The following ESYT3 variants were observed in gnomAD, a reference collection of about 807,000 sequenced individuals.
ESYT3 encodes extended synaptotagmin 3.
ESYT3 carries 101 observed loss-of-function variants against 111.5 expected under a neutral mutation model. That is an observed-to-expected ratio of 0.91 (90% CI 0.77 to 1.07). The LOEUF (loss-of-function observed/expected upper bound fraction) is 1.07. Among genes scored for constraint, ESYT3 ranks in the 50% least tolerant of loss-of-function variants. The pLI is 0.00. For missense variants in ESYT3, 1,097 were observed against 1,109.4 expected (o/e 0.99, Z 0.16); for synonymous variants, 416 against 446.8 (o/e 0.93, Z 0.87).
chr3:138,470,690 A>G (rs952624400), intron 16 of ESYT3, 187 bp from the exon 17 acceptor site: 7 of 1,417,662 alleles, frequency 4.9e-6, no homozygotes, highest in African/African-American at 4.3e-5. Context: ...CTGAGTCACT[A>G]TCTTCCCTGA....
chr3:138,434,646 G>A lies in ESYT3; in HGVS notation c.-153G>A. 1.5e-6 allele frequency: 1 copy of A among 682,244 alleles called. No homozygotes were observed. The highest frequency in any genetic ancestry group is 2.3e-5 in the South Asian group (1 of 44,400). 42.3% of individuals were successfully genotyped at this position (682,244 alleles called of 1,614,324 possible). A position where few individuals can be genotyped will look rare whatever the true frequency, so the allele number is the denominator to read the frequency against. Reference sequence around the variant, plus strand: ...TCCAGGCGCTGCTCTCCGTCGCAGAGAACCCTGAGCTCGGCGCGCCGAGAG... The same window carrying A: ...TCCAGGCGCTGCTCTCCGTCGCAGAAAACCCTGAGCTCGGCGCGCCGAGAG... On this transcript the variant is annotated 5_prime_UTR_variant, in exon 1 of 23. Coordinates refer to ENST00000389567, the MANE Select transcript of ESYT3 (RefSeq NM_031913.5).
chr3:138,449,428 C>T (rs1338747854), intron 1 of ESYT3, among the ~76,000 whole-genome samples: 1 of 152,060 alleles, frequency 6.6e-6, no homozygotes, highest in African/African-American at 2.4e-5. Context: ...CACCCTGAGG[C>T]AAGGGGTGGG....
intron 9 of ESYT3, 144 bp from the exon 10 acceptor site, chr3:138,465,195 T>G: frequency 1.6e-6 from 1 of 607,118 alleles, no homozygotes. Context: ...GGGAGGGGCT[T>G]CACTCCCTTC....
At chr3:138,471,173 A>AT (rs2033201710) in intron 17 of ESYT3, 147 bp downstream of exon 17, 1 of 662,524 alleles carries the variant, frequency 1.5e-6, no homozygotes, top group Admixed American at 2.7e-5. Flanking sequence ...GAAATACTGA[A>AT]TGGGAGCAAG....
chr3:138,461,959 C>T (rs1275805902), intron 7 of ESYT3, 127 bp from the exon 8 acceptor site: 2 of 1,369,146 alleles, frequency 1.5e-6, no homozygotes, highest in Non-Finnish European at 2.0e-6. Flanking sequence ...CAAGTGGGGT[C>T]AGGGCTGTTC....
Position 138,468,205 on chromosome 3 carries a change from G to GCTCC in ESYT3, c.1308+11_1308+12insCTCC. Reference sequence around the variant, plus strand: ...GAAGTTCTGACTGAGGTGAGTGTGGGGTGTCAAGGGCTCCCTTGCAGAAAG... The same window carrying GCTCC: ...GAAGTTCTGACTGAGGTGAGTGTGGGCTCCGTGTCAAGGGCTCCCTTGCAGAAAG... On this transcript the variant is annotated intron_variant, in intron 12 of 22. Coordinates refer to ENST00000389567, the MANE Select transcript of ESYT3 (RefSeq NM_031913.5). The GCTCC allele has an allele frequency of 1.2e-6, 2 of 1,613,656 alleles. No homozygotes were observed. The highest frequency in any genetic ancestry group is 2.2e-5 in the South Asian group (2 of 91,064).
chr3:138,470,792 C>T (rs2108627278), intron 16 of ESYT3, 85 bp from the exon 17 acceptor site: 2 of 1,594,644 alleles, frequency 1.3e-6, no homozygotes, highest in Non-Finnish European at 1.7e-6. Flanking sequence ...CTGAAGTAAA[C>T]CCAAACTTGG....
At chr3:138,454,381 AT>A (rs1273485197) in intron 2 of ESYT3, among the ~76,000 whole-genome samples, 2 of 152,070 alleles carry the variant, frequency 1.3e-5, no homozygotes, top group Non-Finnish European at 2.9e-5. Flanking sequence ...CTAACTAAAA[AT>A]AAAAAAAAAA....
At position 138,462,086 on chromosome 3, in the gene ESYT3, T is replaced by A; in HGVS notation, c.795T>A (p.Asn265Lys). 1 of 1,613,930 alleles carries A rather than the reference T, an allele frequency of 6.2e-7. No individual in the cohort carries two copies. The highest frequency in any genetic ancestry group is 1.7e-5 in the Admixed American group (1 of 59,992). ...LTNLLDAPGINDVSDSLLEDL... is the reference protein window; with the variant it reads ...LTNLLDAPGIKDVSDSLLEDL... ...ACAGCTGGTCCTGCCTTGTGTCCAG[T>A]GATGTGTCAGACAGCTTACTGGAGG... Residue 265 changes from asparagine to lysine, a missense_variant and splice_region_variant, in exon 8 of 23, where the codon AAT becomes AAA. Coordinates refer to ENST00000389567, the MANE Select transcript of ESYT3 (RefSeq NM_031913.5).
Position 138,477,136 on chromosome 3 carries a change from C to G in ESYT3, c.*282C>G, listed in dbSNP as rs2033522097. 3.2e-6 allele frequency: 1 copy of G among 311,466 alleles called. No homozygotes were observed. The highest frequency in any genetic ancestry group is 4.7e-5 in the Admixed American group (1 of 21,488). The allele number at this position is 311,466 out of a possible 1,614,324, so 19.3% of individuals were successfully genotyped here. A position where few individuals can be genotyped will look rare whatever the true frequency, so the allele number is the denominator to read the frequency against. Reference sequence around the variant, plus strand: ...TGTGCCTACTAAATTATCCAAACCTCAGTGTTTATATACTTAAACAAGTGC... The same window carrying G: ...TGTGCCTACTAAATTATCCAAACCTGAGTGTTTATATACTTAAACAAGTGC... On this transcript the variant is annotated 3_prime_UTR_variant, in exon 23 of 23. Transcript: ENST00000389567.
chr3:138,451,380 A>G (rs964922017), intron 1 of ESYT3, among the ~76,000 whole-genome samples: 27 of 152,138 alleles, frequency 1.8e-4, no homozygotes, highest in African/African-American at 5.8e-4. Flanking sequence ...GTCTATGAAA[A>G]CATCAAGCTG....
rs534829223 is a variant in ESYT3 at position 138,434,618 on chromosome 3, A to G, written c.-181A>G. 2.1e-5 allele frequency: 12 copies of G among 572,604 alleles called. No individual in the cohort carries two copies. The highest frequency in any genetic ancestry group is 1.1e-4 in the Admixed American group (3 of 28,476). 35.5% of individuals were successfully genotyped at this position (572,604 alleles called of 1,614,324 possible). A position where few individuals can be genotyped will look rare whatever the true frequency, so the allele number is the denominator to read the frequency against. On this transcript the variant is annotated 5_prime_UTR_variant, in exon 1 of 23. Transcript: ENST00000389567. ...GGGGCGGCGCGGCGCGGCGCGGTGC[A>G]TTTCCAGGCGCTGCTCTCCGTCGCA...
At position 138,452,182 on chromosome 3, in the gene ESYT3, G is replaced by A. The variant is rs921662348; in HGVS notation, c.369+93G>A. 1.0e-5 allele frequency: 13 copies of A among 1,289,136 alleles called. No individual in the cohort carries two copies. The African/African-American group carries it at 1.2e-4, about 12-fold the overall frequency. 79.9% of individuals were successfully genotyped at this position (1,289,136 alleles called of 1,614,324 possible). On this transcript the variant is annotated intron_variant, in intron 2 of 22. Coordinates refer to ENST00000389567, the MANE Select transcript of ESYT3 (RefSeq NM_031913.5). ...CCCCACAGCCTGATGGGGGCCTCGC[G>A]GCAATTTCCTTGCCTGACGCGGGCA...
intron 20 of ESYT3, chr3:138,474,636 A>ATTT (rs2033402004): frequency 4.0e-6 from 1 of 250,814 alleles, no homozygotes; most frequent in Admixed American, 5.1e-5. Context: ...TCTGGTAGTA[A>ATTT]AAAGATTTGA....
intron 2 of ESYT3, among the ~76,000 whole-genome samples, chr3:138,454,380 A>T (rs1400259644): frequency 6.6e-6 from 1 of 152,076 alleles, no homozygotes; most frequent in African/African-American, 2.4e-5. Context: ...TCTAACTAAA[A>T]ATAAAAAAAA....
intron 1 of ESYT3, among the ~76,000 whole-genome samples, chr3:138,441,840 G>C (rs1428687712): frequency 6.8e-6 from 1 of 146,940 alleles, no homozygotes; most frequent in African/African-American, 2.5e-5. Context: ...TTTTTTTTAA[G>C]GTGCTGTATA....
intron 17 of ESYT3, 141 bp downstream of exon 17, chr3:138,471,167 T>C (rs1333454739): frequency 1.5e-6 from 1 of 682,478 alleles, no homozygotes; most frequent in Non-Finnish European, 2.5e-6. Flanking sequence ...AATTTTGAAA[T>C]ACTGAATGGG....
rs759919748 is a variant in ESYT3, at chr3:138,470,889, G to A, written c.1603G>A (p.Asp535Asn). 3.7e-6 allele frequency: 6 copies of A among 1,614,068 alleles called. No individual in the cohort carries two copies. Among genetic ancestry groups the A allele is most frequent in the African/African-American group, 1.3e-5 (1 of 75,024 alleles). Residue 535 changes from aspartate (D) to asparagine (N), a missense_variant, in exon 17 of 23, where the codon GAC becomes AAC. By Grantham distance (23) the Asp-to-Asn change is conservative. Coordinates refer to ENST00000389567, the MANE Select transcript of ESYT3 (RefSeq NM_031913.5). ...ERLHLKVLDD[D>N]QECALGMLEV... ...GACCACTGCCCAGGTGCTTGATGAT[G>A]ACCAGGAGTGTGCTCTGGGAATGCT...
rs1248385325 is a variant in ESYT3 at position 138,435,025 on chromosome 3, G to C, written c.227G>C (p.Arg76Pro). 1 of 1,580,770 alleles carries C rather than the reference G, an allele frequency of 6.3e-7. No individual in the cohort carries two copies. Among genetic ancestry groups the C allele is most frequent in the African/African-American group, 1.3e-5 (1 of 74,682 alleles). ...ALLWMWWRRN[R>P]RGKLGRLAAA... The stretch of plus-strand genomic sequence containing the variant: ...CTGTGGATGTGGTGGCGCAGGAACC[G>C]CCGCGGGAAGCTTGGGCGCCTGGCC... Residue 76 changes from arginine (R) to proline (P), a missense_variant, in exon 1 of 23, where the codon CGC becomes CCC. By Grantham distance (103) the Arg-to-Pro change is moderately radical. Transcript: ENST00000389567. The surrounding 1 kb of genome is among the most constrained non-coding windows in gnomAD (Gnocchi z 4.8).
Sources: allele counts gnomAD v4.1 joint callset (sites outside exome capture counted in the v4.1 genomes callset), GRCh38; gene constraint gnomAD v4.1.1; non-coding constraint Gnocchi (gnomAD v3.1); transcripts MANE v1.5; gene names NCBI Gene and HGNC (gene_info 2026-07-23, HGNC 2026-07-21).